Variants in NALCN observed in about 807,000 individuals in gnomAD.
NALCN encodes sodium leak channel, non-selective.
NALCN carries 111 observed loss-of-function variants against 225.3 expected under a neutral mutation model. The ratio of observed to expected loss-of-function variants is 0.49; its 90% CI spans 0.42 to 0.58. The LOEUF is 0.58. Ranked by LOEUF, NALCN falls within the 20% of genes least tolerant of loss-of-function variation. The pLI, the probability that NALCN is intolerant of heterozygous loss-of-function variation, is 0.00. For synonymous variants in NALCN, 764 were observed against 769.0 expected, an observed-to-expected ratio of 0.99 and a Z score of 0.11; for missense variants, 1,378 against 2,202.4, an observed-to-expected ratio of 0.63 and a Z score of 7.49.
At chr13:101,094,098 T>C (rs1675201229) in intron 28 of NALCN, among the ~76,000 whole-genome samples, 1 of 152,156 alleles carries the variant, frequency 6.6e-6, no homozygotes, top group Non-Finnish European at 1.5e-5. Context: ...TTTGGGTGAT[T>C]CTCAAGTCTG....
intron 14 of NALCN, chr13:101,180,675 C>T (rs1460848600): frequency 5.6e-6 from 1 of 178,352 alleles, no homozygotes; most frequent in Non-Finnish European, 1.2e-5. Context: ...CAACTCTGCC[C>T]TGGCTGCCCC....
At chr13:101,396,469 C>G (rs2047296468) in intron 2 of NALCN, among the ~76,000 whole-genome samples, 1 of 152,016 alleles carries the variant, frequency 6.6e-6, no homozygotes, top group Non-Finnish European at 1.5e-5. Context: ...GCTATATATA[C>G]TAGCAAATAC....
At chr13:101,349,591 G>A (rs137937508) in intron 6 of NALCN, among the ~76,000 whole-genome samples, 31 of 152,058 alleles carry the variant, frequency 2.0e-4, no homozygotes, top group African/African-American at 7.2e-4. Context: ...ATGCAACTCT[G>A]CTGGCTTTGA....
chr13:101,232,128 G>C (rs1313977541), intron 12 of NALCN, among the ~76,000 whole-genome samples: 1 of 151,278 alleles, frequency 6.6e-6, no homozygotes, highest in Non-Finnish European at 1.5e-5. Context: ...CACACCAACA[G>C]AAGAAAGGTA....
intron 12 of NALCN, among the ~76,000 whole-genome samples, chr13:101,233,331 T>C (rs1485712119): frequency 6.7e-6 from 1 of 149,752 alleles, no homozygotes; most frequent in Non-Finnish European, 1.5e-5. Context: ...TTCATGTTCT[T>C]GGGAAGAATT....
At chr13:101,174,943 G>A (rs2038896774) in intron 15 of NALCN, among the ~76,000 whole-genome samples, 1 of 152,182 alleles carries the variant, frequency 6.6e-6, no homozygotes, top group Admixed American at 6.5e-5. Flanking sequence ...TTCTACAGCA[G>A]CAGATTTTTA....
At chr13:101,176,065 AT>A (rs1459717670) in intron 15 of NALCN, among the ~76,000 whole-genome samples, 2 of 152,186 alleles carry the variant, frequency 1.3e-5, no homozygotes, top group East Asian at 3.9e-4. Flanking sequence ...TACTCTGCCC[AT>A]TTTACTTTTA....
At chr13:101,125,087 T>G (rs2036169446) in intron 17 of NALCN, among the ~76,000 whole-genome samples, 2 of 152,102 alleles carry the variant, frequency 1.3e-5, no homozygotes, top group African/African-American at 4.8e-5. Flanking sequence ...AGTTTAGGAG[T>G]TGTTTTGCTT....
intron 6 of NALCN, among the ~76,000 whole-genome samples, chr13:101,370,454 AG>A (rs1468971645): frequency 6.6e-6 from 1 of 152,232 alleles, no homozygotes; most frequent in Non-Finnish European, 1.5e-5. Context: ...TGCCCATGTG[AG>A]GCGGAAGACC....
rs75655849 is a variant in NALCN, at chr13:101,391,124, A to T, written c.291+4059T>A. ...TAAGTTAATTAAGCTGATTCTTTTT[A>T]AAAAAAATCAACAAAATGAGCAAAC... On this transcript the variant is annotated intron_variant, in intron 3 of 43. Transcript: ENST00000251127. Among the ~76,000 whole-genome samples, 1,220 of 152,150 alleles carry T rather than the reference A, an allele frequency of 8.0e-3. 18 individuals are homozygous for T. The highest frequency in any genetic ancestry group is 0.028 in the African/African-American group (1,152 of 41,510).
At chr13:101,144,952 C>T (rs1420742413) in intron 15 of NALCN, 56 bp from the exon 16 acceptor site, 7 of 1,508,930 alleles carry the variant, frequency 4.6e-6, no homozygotes, top group South Asian at 2.7e-5. Flanking sequence ...CTATTATATA[C>T]GTTACACAAA....
chr13:101,339,882 C>T (rs1157329224), intron 7 of NALCN, among the ~76,000 whole-genome samples: 1 of 152,102 alleles, frequency 6.6e-6, no homozygotes, highest in Non-Finnish European at 1.5e-5. Flanking sequence ...GACCAAACAT[C>T]ACCAAAAACT....
chr13:101,286,348 A>T (rs2043338071), intron 9 of NALCN, among the ~76,000 whole-genome samples: 1 of 152,150 alleles, frequency 6.6e-6, no homozygotes, highest in South Asian at 2.1e-4. Flanking sequence ...TTGACCATGT[A>T]ACTACATACA....
At position 101,227,294 on chromosome 13, in the gene NALCN, CCT is replaced by C; in HGVS notation, c.1626+2097_1626+2098del. ...ATCTGCAACCTCACTAGCTACTTGC[CCT>C]CTCTCATCAGCACTTAAACATCGTA... On this transcript the variant is annotated intron_variant, in intron 13 of 43. Coordinates refer to ENST00000251127, the MANE Select transcript of NALCN (RefSeq NM_052867.4). Among the ~76,000 whole-genome samples, 4 of 152,228 alleles carry C rather than the reference CCT, an allele frequency of 2.6e-5. No individual in the cohort carries two copies. In the South Asian group the frequency reaches 8.3e-4, roughly 32 times the overall value.
At chr13:101,223,293 C>T (rs1048393999) in intron 13 of NALCN, among the ~76,000 whole-genome samples, 1 of 152,202 alleles carries the variant, frequency 6.6e-6, no homozygotes, top group Admixed American at 6.5e-5. Flanking sequence ...ACTAGACACT[C>T]TTCTTTCCCA....
chr13:101,329,799 G>A (rs931172691), intron 7 of NALCN, among the ~76,000 whole-genome samples: 1 of 152,066 alleles, frequency 6.6e-6, no homozygotes, highest in African/African-American at 2.4e-5. Flanking sequence ...TGCACTTTGG[G>A]AGGCTGAGGT....
At chr13:101,409,163 T>G (rs1207627403) in intron 1 of NALCN, among the ~76,000 whole-genome samples, 1 of 152,188 alleles carries the variant, frequency 6.6e-6, no homozygotes, top group Admixed American at 6.5e-5. Context: ...TGCCCTTTTG[T>G]CATTGCACCC....
intron 43 of NALCN, among the ~76,000 whole-genome samples, chr13:101,056,174 A>AC (rs1398937870): frequency 2.0e-4 from 27 of 137,246 alleles, no homozygotes; most frequent in African/African-American, 7.5e-4. Context: ...ACTCAGCCTG[A>AC]CCCCAAGAGC....
chr13:101,112,004 G>T (rs774973923), intron 18 of NALCN, among the ~76,000 whole-genome samples: 9 of 152,160 alleles, frequency 5.9e-5, no homozygotes, highest in Non-Finnish European at 1.3e-4. Flanking sequence ...TTAAATATAT[G>T]TTCCAAGGAG....
Sources: allele counts gnomAD v4.1 joint callset (sites outside exome capture counted in the v4.1 genomes callset), GRCh38; gene constraint gnomAD v4.1.1; transcripts MANE v1.5; gene names NCBI Gene and HGNC (gene_info 2026-07-23, HGNC 2026-07-21).